Variants in IQCE observed in about 807,000 individuals in gnomAD.
IQCE encodes IQ motif containing E, also known as IQ domain-containing protein E.
Under a neutral mutation model 96.0 loss-of-function variants are expected in IQCE, and 115 were observed. The observed-to-expected ratio is 1.20, with a 90% CI of 1.03 to 1.40. The LOEUF (loss-of-function observed/expected upper bound fraction) is 1.40. Among genes scored for constraint, IQCE ranks in the 40% most tolerant of loss-of-function variants. IQCE has a pLI of 0.00. For missense variants in IQCE, 1,041 were observed against 909.1 expected (o/e 1.15, Z -1.87); for synonymous variants, 412 against 371.2 (o/e 1.11, Z -1.26).
chr7:2,602,378 T>C (rs1784493114), intron 18 of IQCE, among the ~76,000 whole-genome samples: 2 of 152,186 alleles, frequency 1.3e-5, no homozygotes, highest in South Asian at 4.1e-4. Flanking sequence ...GAGATCTTTA[T>C]TTTGCTGGAG....
rs773780721 is a variant in IQCE at position 2,607,150 on chromosome 7, C to T, written c.1892C>T (p.Ala631Val). The change falls in exon 21 of 22, where the codon GCA (alanine) becomes GTA (valine). Residue 631 changes from alanine to valine, a missense_variant. Transcript: ENST00000402050. Reference protein sequence around the residue: ...HSATGKRTTTAASTRRRSASA... With the variant: ...HSATGKRTTTVASTRRRSASA... The stretch of plus-strand genomic sequence containing the variant: ...GCTACCGGTAAAAGAACCACCACCG[C>T]AGCTTCTACCAGGAGGAGATCGGCT... 1.1e-5 allele frequency: 17 copies of T among 1,608,354 alleles called. No individual in the cohort carries two copies. The highest frequency in any genetic ancestry group is 1.4e-5 in the Non-Finnish European group (17 of 1,177,878).
Position 2,572,324 on chromosome 7 carries a change from A to G in IQCE, c.392A>G (p.Asn131Ser), listed in dbSNP as rs766678381. The part of the protein sequence containing the change: ...KRPHLRRSAS[N>S]GHVPGTPVYR... ...CCACATCTCAGGCGCTCTGCCAGCA[A>G]CGGTGAGCATGCCGATGGTGGCGAG... Residue 131 changes from asparagine to serine, a missense_variant and splice_region_variant, in exon 5 of 22, where the codon AAC becomes AGC. Coordinates refer to ENST00000402050, the MANE Select transcript of IQCE (RefSeq NM_152558.5). 1 of 1,613,806 alleles carries G rather than the reference A, an allele frequency of 6.2e-7. No individual in the cohort carries two copies. Among genetic ancestry groups the G allele is most frequent in the South Asian group, 1.1e-5 (1 of 91,074 alleles).
At chr7:2,565,133 AGTGTGT>A (rs35495754) in intron 1 of IQCE, among the ~76,000 whole-genome samples, 84 of 147,244 alleles carry the variant, frequency 5.7e-4, no homozygotes, top group African/African-American at 1.2e-3. Context: ...CATGTGTGTG[AGTGTGT>A]GTGTGTGTGT....
chr7:2,572,865 CCCA>C, intron 5 of IQCE: 1 of 394,064 alleles, frequency 2.5e-6, no homozygotes, highest in South Asian at 1.9e-5. Context: ...CCACGTGTTT[CCCA>C]CCTATCCTCC....
chr7:2,609,706 A>C (rs1442008594), intron 21 of IQCE, among the ~76,000 whole-genome samples: 1 of 116,896 alleles, frequency 8.6e-6, no homozygotes, highest in Non-Finnish European at 1.8e-5. Flanking sequence ...GCAGGTGTGT[A>C]AGTTGGTCCT....
intron 9 of IQCE, among the ~76,000 whole-genome samples, chr7:2,583,431 C>T (rs1782832375): frequency 6.6e-6 from 1 of 151,978 alleles, no homozygotes. Flanking sequence ...GAGATGCTTT[C>T]CAGCGTGAGG....
In IQCE at chr7:2,614,298, T is replaced by C. The variant is rs2128477428; in HGVS notation, c.*4136T>C. On this transcript the variant is annotated 3_prime_UTR_variant, in exon 22 of 22. Transcript: ENST00000402050. ...TAACCCGTCTAAACGATTGCAAAAT[T>C]CCTCCTTTGGTTTTGGAAGCAGCGT... The C allele has an allele frequency of 6.6e-6, 1 of 152,210 alleles. No homozygotes were observed. The highest frequency in any genetic ancestry group is 1.9e-4 in the East Asian group (1 of 5,202). 9.4% of individuals were successfully genotyped at this position (152,210 alleles called of 1,614,324 possible).
rs377310001 is a variant in IQCE, at chr7:2,587,812, C to T, written c.989-10C>T. ...AGGATGCCGTTTTGAAACCGCATTG[C>T]TTCCATCAGGTTATGTGGAGTGGAG... On this transcript the variant is annotated splice_polypyrimidine_tract_variant and intron_variant, in intron 12 of 21. Coordinates refer to ENST00000402050, the MANE Select transcript of IQCE (RefSeq NM_152558.5). 3 of 1,613,972 alleles carry T rather than the reference C, an allele frequency of 1.9e-6. No homozygotes were observed. The highest frequency in any genetic ancestry group is 3.3e-5 in the Admixed American group (2 of 60,020).
chr7:2,565,020 G>C lies in IQCE; in HGVS notation c.37-2096G>C, dbSNP rs150254399. On this transcript the variant is annotated intron_variant, in intron 1 of 21. Transcript: ENST00000402050. ...TGAGCTTAACCTACTGTGGAAATAA[G>C]TGGCAACCTCAGATAGTGCTTGAAG... Among the ~76,000 whole-genome samples, 262 of 152,306 alleles carry C rather than the reference G, an allele frequency of 1.7e-3. 1 individual carries two copies. The South Asian group carries it at 0.018, about 11-fold the overall frequency.
At chr7:2,562,356 A>C (rs1781030901) in intron 1 of IQCE, among the ~76,000 whole-genome samples, 1 of 151,810 alleles carries the variant, frequency 6.6e-6, no homozygotes. Flanking sequence ...AACTGTATTC[A>C]TAAAGAATGT....
chr7:2,575,656 G>C (rs1386854307), intron 6 of IQCE, among the ~76,000 whole-genome samples: 1 of 152,200 alleles, frequency 6.6e-6, no homozygotes, highest in African/African-American at 2.4e-5. Flanking sequence ...GGGTAGAGCG[G>C]TTCCTGCCTG....
At chr7:2,588,301 G>T (rs1175115108) in intron 13 of IQCE, among the ~76,000 whole-genome samples, 1 of 152,212 alleles carries the variant, frequency 6.6e-6, no homozygotes. Context: ...CTGCAAAGTA[G>T]GAATTAGGCT....
Position 2,594,631 on chromosome 7 carries a change from G to C in IQCE, c.1350-255G>C, listed in dbSNP as rs115161057. On this transcript the variant is annotated intron_variant, in intron 15 of 21. Coordinates refer to ENST00000402050, the MANE Select transcript of IQCE (RefSeq NM_152558.5). ...TCAGGAGAGGTGCTGGGCCCTGGGG[G>C]TCCTCAGCCACGGCCTCGTGGGGCT... 8.0e-3 allele frequency among the ~76,000 whole-genome samples: 1,224 copies of C among 152,334 alleles called. 14 individuals carry two copies. Among genetic ancestry groups the C allele is most frequent in the African/African-American group, 0.025 (1,042 of 41,568 alleles).
In IQCE at chr7:2,612,578, G is replaced by A. The variant is rs1263010922; in HGVS notation, c.*2416G>A. On this transcript the variant is annotated 3_prime_UTR_variant, in exon 22 of 22. Coordinates refer to ENST00000402050, the MANE Select transcript of IQCE (RefSeq NM_152558.5). ...GGCCTAGTCATGGGAGGGGTGAGCT[G>A]TGGGCGGGGCGAGCTGTGGGTGGGG... 3.1e-5 allele frequency: 2 copies of A among 65,242 alleles called. No individual in the cohort carries two copies. The highest frequency in any genetic ancestry group is 4.5e-4 in the South Asian group (1 of 2,220). 4.0% of individuals were successfully genotyped at this position (65,242 alleles called of 1,614,324 possible).
At chr7:2,584,427 C>A in intron 11 of IQCE, 142 bp downstream of exon 11, 1 of 815,974 alleles carries the variant, frequency 1.2e-6, no homozygotes, top group South Asian at 1.4e-5. Flanking sequence ...CTGTTCTGTT[C>A]AGGGTTAGAG....
intron 15 of IQCE, among the ~76,000 whole-genome samples, chr7:2,593,692 A>C (rs1783796394): frequency 6.6e-6 from 1 of 152,248 alleles, no homozygotes; most frequent in South Asian, 2.1e-4. Context: ...GGGCGGACCC[A>C]CGTGACAAGT....
chr7:2,567,210 T>A, intron 2 of IQCE, 47 bp downstream of exon 2: 4 of 1,508,088 alleles, frequency 2.7e-6, no homozygotes, highest in Non-Finnish European at 3.7e-6. Context: ...CTGGTTGCGC[T>A]GCCCTTGCAG....
intron 11 of IQCE, 24 bp from the exon 12 acceptor site, chr7:2,586,184 C>T: frequency 1.2e-6 from 2 of 1,604,768 alleles, no homozygotes; most frequent in South Asian, 1.1e-5. Flanking sequence ...ATGCAAACCT[C>T]AGTCCACGAT....
rs1185751741 is a variant in IQCE, at chr7:2,598,648, G to A, written c.1608+16G>A. On this transcript the variant is annotated intron_variant, in intron 17 of 21. Coordinates refer to ENST00000402050, the MANE Select transcript of IQCE (RefSeq NM_152558.5). Reference sequence around the variant, plus strand: ...CAAGCACAAGGTGAGGCTCCCCGGGGCGACCCGGGCTGCTCCCTGTGAGTC... The same window carrying A: ...CAAGCACAAGGTGAGGCTCCCCGGGACGACCCGGGCTGCTCCCTGTGAGTC... The A allele has an allele frequency of 3.3e-6, 5 of 1,503,114 alleles. No individual in the cohort carries two copies. The highest frequency in any genetic ancestry group is 1.8e-6 in the Non-Finnish European group (2 of 1,125,152). The allele number at this position is 1,503,114 out of a possible 1,614,324, so 93.1% of individuals were successfully genotyped here.
Sources: allele counts gnomAD v4.1 joint callset (sites outside exome capture counted in the v4.1 genomes callset), GRCh38; gene constraint gnomAD v4.1.1; transcripts MANE v1.5; gene names NCBI Gene and HGNC (gene_info 2026-07-23, HGNC 2026-07-21).